Variants in MOV10L1 observed in about 807,000 individuals in gnomAD.
MOV10L1 encodes RNA helicase Mov10l1.
Under a neutral mutation model 143.8 loss-of-function variants are expected in MOV10L1, and 110 were observed. The observed-to-expected ratio is 0.76, with a 90% CI of 0.66 to 0.90. The LOEUF (loss-of-function observed/expected upper bound fraction) is 0.90. MOV10L1 is among the 40% of genes least tolerant of loss of function. The pLI is 0.00. For missense variants in MOV10L1, 1,406 were observed against 1,526.8 expected (o/e 0.92, Z 1.32); for synonymous variants, 593 against 581.1 (o/e 1.02, Z -0.29).
At chr22:50,097,563 C>T (rs1301906898) in intron 2 of MOV10L1, among the ~76,000 whole-genome samples, 4 of 152,104 alleles carry the variant, frequency 2.6e-5, no homozygotes, top group Non-Finnish European at 5.9e-5. Context: ...CAATTGACTG[C>T]ACATGCAAGG....
intron 5 of MOV10L1, among the ~76,000 whole-genome samples, chr22:50,112,314 C>CG (rs1427071910): frequency 6.6e-6 from 1 of 152,188 alleles, no homozygotes; most frequent in Non-Finnish European, 1.5e-5. Flanking sequence ...CTGAGCCTGG[C>CG]GGTGCCAGGA....
chr22:50,160,566 GA>G (rs2063532363), intron 24 of MOV10L1, 121 bp from the exon 25 acceptor site: 28 of 1,318,670 alleles, frequency 2.1e-5, no homozygotes, highest in Non-Finnish European at 2.9e-5. Context: ...GTTTCTTTTT[GA>G]ACCAAAAATG....
chr22:50,113,177 T>A (rs1331511600), intron 5 of MOV10L1, among the ~76,000 whole-genome samples: 3 of 152,216 alleles, frequency 2.0e-5, no homozygotes, highest in Admixed American at 2.0e-4. Flanking sequence ...AAATCTCATC[T>A]TCTCATTTTC....
intron 13 of MOV10L1, among the ~76,000 whole-genome samples, chr22:50,132,118 A>C (rs1205686108): frequency 6.6e-6 from 1 of 152,208 alleles, no homozygotes; most frequent in Non-Finnish European, 1.5e-5. Context: ...ATCACTTGCC[A>C]AAGGCCTCAA....
chr22:50,150,926 G>T, intron 21 of MOV10L1, 27 bp downstream of exon 21: 1 of 1,613,406 alleles, frequency 6.2e-7, no homozygotes, highest in South Asian at 1.1e-5. Flanking sequence ...AGCGCGTTCA[G>T]GTCCCCAGCT....
rs752340340 is a variant in MOV10L1, at chr22:50,144,118, A to G, written c.2380A>G (p.Ser794Gly). 3.7e-6 allele frequency: 6 copies of G among 1,610,522 alleles called. No homozygotes were observed. In the South Asian group the frequency reaches 6.6e-5, roughly 18 times the overall value. Residue 794 changes from serine (S) to glycine (G), a missense_variant, in exon 18 of 27, where the codon AGT (serine) becomes GGT (glycine). Ser to Gly is a moderately conservative substitution (Grantham distance 56). Around this residue, in one of 3 missense-constraint regions of MOV10L1, gnomAD observed 1,233 missense variants for 1,351.4 expected, o/e 0.91. Transcript: ENST00000262794. ...VLQVHFALPD[S>G]RILVCAPSNS... ...GAAGGTACACTTTGCCTTGCCGGAC[A>G]GTCGGATTTTAGTCTGTGCGCCCTC... is the stretch of plus-strand genomic sequence containing the variant.
At chr22:50,112,381 G>A (rs1367389490) in intron 5 of MOV10L1, among the ~76,000 whole-genome samples, 1 of 152,208 alleles carries the variant, frequency 6.6e-6, no homozygotes, top group Non-Finnish European at 1.5e-5. Flanking sequence ...CTTCCTGTCT[G>A]TTCTCTGACC....
At chr22:50,128,310 T>A in intron 12 of MOV10L1, 106 bp from the exon 13 acceptor site, 2 of 677,264 alleles carry the variant, frequency 3.0e-6, no homozygotes, top group South Asian at 3.6e-5. Flanking sequence ...TTTGCAGATA[T>A]CAAATTTTAG....
At chr22:50,119,401 C>G (rs552495518) in intron 9 of MOV10L1, among the ~76,000 whole-genome samples, 1 of 152,178 alleles carries the variant, frequency 6.6e-6, no homozygotes, top group African/African-American at 2.4e-5. Context: ...CTGCTAGGAC[C>G]CCCAGTGCCA....
chr22:50,153,219 G>T lies in MOV10L1; in HGVS notation c.3066+1G>T. 1.2e-6 allele frequency: 2 copies of T among 1,612,734 alleles called. No individual in the cohort carries two copies. Among genetic ancestry groups the T allele is most frequent in the Non-Finnish European group, 1.7e-6 (2 of 1,178,996 alleles). On this transcript the variant is annotated splice_donor_variant, in intron 22 of 26. Coordinates refer to ENST00000262794, the MANE Select transcript of MOV10L1 (RefSeq NM_018995.3). LOFTEE classifies it high-confidence loss of function. The stretch of plus-strand genomic sequence containing the variant: ...CCCTCTCATCTTCCATGGTGTGCGG[G>T]TGAGTTGTGTCTTGAATCCGTAGGT...
intron 12 of MOV10L1, among the ~76,000 whole-genome samples, chr22:50,126,523 A>G (rs763174989): frequency 6.6e-6 from 1 of 152,226 alleles, no homozygotes; most frequent in East Asian, 1.9e-4. Flanking sequence ...GTTGAGTTGT[A>G]TTTGGGCATT....
At chr22:50,143,319 A>G (rs1337239982) in intron 17 of MOV10L1, 98 bp downstream of exon 17, 1 of 1,318,732 alleles carries the variant, frequency 7.6e-7, no homozygotes, top group Non-Finnish European at 1.1e-6. Context: ...AGAATCAGAC[A>G]GTTGGAAAGA....
intron 3 of MOV10L1, 141 bp downstream of exon 3, chr22:50,099,743 T>A (rs2062688599): frequency 2.0e-6 from 2 of 999,030 alleles, no homozygotes; most frequent in Non-Finnish European, 2.9e-6. Flanking sequence ...AGCCCAGGAG[T>A]TGGAGGCTGC....
chr22:50,113,603 GT>G, intron 5 of MOV10L1, 44 bp from the exon 6 acceptor site: 1 of 1,601,036 alleles, frequency 6.2e-7, no homozygotes, highest in Non-Finnish European at 8.5e-7. Flanking sequence ...CGAGGAAGGG[GT>G]GGTGCTGCTG....
intron 3 of MOV10L1, among the ~76,000 whole-genome samples, chr22:50,101,239 G>A (rs575205026): frequency 4.6e-5 from 7 of 152,156 alleles, no homozygotes; most frequent in Non-Finnish European, 7.4e-5. Flanking sequence ...GTTTTGAGAC[G>A]GAATCTTCCT....
At chr22:50,144,545 A>C (rs1227801785) in intron 18 of MOV10L1, among the ~76,000 whole-genome samples, 2 of 151,624 alleles carry the variant, frequency 1.3e-5, no homozygotes, top group African/African-American at 4.8e-5. Flanking sequence ...TTACTTTTTA[A>C]GTAGTTTTGT....
intron 22 of MOV10L1, among the ~76,000 whole-genome samples, chr22:50,153,738 G>C (rs908323902): frequency 6.6e-6 from 1 of 152,256 alleles, no homozygotes; most frequent in African/African-American, 2.4e-5. Flanking sequence ...GACAGAGTTA[G>C]ATGCTGAGTG....
At chr22:50,117,057 G>C (rs126241) in intron 8 of MOV10L1, 100 bp from the exon 9 acceptor site, 1,005,349 of 1,075,934 alleles carry the variant, frequency 0.93, 470,217 homozygotes, top group East Asian at 1. Context: ...CTAAAGATGA[G>C]TCTTAACTCT....
At chr22:50,114,981 G>A (rs980715493) in intron 7 of MOV10L1, 133 bp from the exon 8 acceptor site, 53 of 1,000,288 alleles carry the variant, frequency 5.3e-5, no homozygotes, top group Non-Finnish European at 7.0e-5. Context: ...CACCACCTGA[G>A]GCTTTGCCCC....
Sources: allele counts gnomAD v4.1 joint callset (sites outside exome capture counted in the v4.1 genomes callset), GRCh38; gene constraint gnomAD v4.1.1; regional missense constraint gnomAD v4.1.1; transcripts MANE v1.5; gene names NCBI Gene and HGNC (gene_info 2026-07-23, HGNC 2026-07-21).